MAL2: variants seen among roughly 807,000 people sequenced by gnomAD.
MAL2 encodes the protein mal, T cell differentiation protein 2.
In MAL2, 17 loss-of-function variants were observed where a neutral mutation model predicts 18.1. The observed-to-expected ratio is 0.94, with a 90% confidence interval of 0.64 to 1.41. MAL2 has a LOEUF of 1.41. Among genes scored for constraint, MAL2 ranks in the 40% most tolerant of loss-of-function variants. MAL2 has a pLI of 0.00. For synonymous variants in MAL2, 102 were observed against 102.3 expected (o/e 1.00, Z 0.02); for missense variants, 222 against 231.9 (o/e 0.96, Z 0.28).
intron 2 of MAL2, among the ~76,000 whole-genome samples, chr8:119,238,123 G>A (rs1433390792): frequency 6.6e-6 from 1 of 152,174 alleles, no homozygotes; most frequent in African/African-American, 2.4e-5. Flanking sequence ...AAAATCACAA[G>A]CATTCTTATA....
chr8:119,231,691 G>A (rs1291409178), intron 2 of MAL2, among the ~76,000 whole-genome samples: 2 of 152,076 alleles, frequency 1.3e-5, no homozygotes, highest in African/African-American at 4.8e-5. Flanking sequence ...TCAACCTAAA[G>A]GCCAGTAGAT....
intron 1 of MAL2, chr8:119,215,500 G>A (rs934811172): frequency 6.6e-6 from 1 of 152,188 alleles, no homozygotes; most frequent in African/African-American, 2.4e-5. Flanking sequence ...CGACTCTGAC[G>A]TCACAGTCTA....
Position 119,237,278 on chromosome 8 carries a change from A to C in MAL2, c.304-2887A>C, listed in dbSNP as rs868561567. Among the ~76,000 whole-genome samples the C allele has an allele frequency of 4.5e-3, 684 of 151,230 alleles. 2 individuals carry two copies. Among genetic ancestry groups the C allele is most frequent in the African/African-American group, 0.016 (655 of 40,874 alleles). ...CTGAATAGACCAATAACAGGAGCTG[A>C]AATTGTGGCAATAATCAATAGTTTA... On this transcript the variant is annotated intron_variant, in intron 2 of 3. Transcript: ENST00000614891.
chr8:119,235,484 G>T (rs1226326595), intron 2 of MAL2, among the ~76,000 whole-genome samples: 1 of 151,870 alleles, frequency 6.6e-6, no homozygotes, highest in Non-Finnish European at 1.5e-5. Flanking sequence ...GCAACTCCAA[G>T]ACACATAATT....
intron 3 of MAL2, among the ~76,000 whole-genome samples, chr8:119,241,198 G>T (rs1818040855): frequency 6.6e-6 from 1 of 152,066 alleles, no homozygotes; most frequent in African/African-American, 2.4e-5. Flanking sequence ...TGTCCAAAAT[G>T]GTGGCCACTG....
At chr8:119,237,413 A>C (rs951428146) in intron 2 of MAL2, among the ~76,000 whole-genome samples, 4 of 151,662 alleles carry the variant, frequency 2.6e-5, no homozygotes, top group African/African-American at 9.8e-5. Context: ...ATAGAAAAAG[A>C]GGGAATCCTC....
chr8:119,240,133 T>A lies in MAL2; in HGVS notation c.304-32T>A, dbSNP rs780804714. On this transcript the variant is annotated intron_variant, in intron 2 of 3. Coordinates refer to ENST00000614891, the MANE Select transcript of MAL2 (RefSeq NM_052886.3). ...TAAGGAACAGAAAAATATTTTTTTT[T>A]AATTGCAGATGTCTTTTCTCTCCTC... 13 of 1,592,294 alleles carry A rather than the reference T, an allele frequency of 8.2e-6. No individual in the cohort carries two copies. In the East Asian group the frequency reaches 1.8e-4, roughly 22 times the overall value.
rs1361143673 is a variant in MAL2, at chr8:119,236,387, A to AGAT, written c.304-3777_304-3775dup. On this transcript the variant is annotated intron_variant, in intron 2 of 3. Coordinates refer to ENST00000614891, the MANE Select transcript of MAL2 (RefSeq NM_052886.3). Reference sequence around the variant, plus strand: ...ACTGTCAACATTAGAGAGATCAATGAGATAGAAAGTCAACAAGGATACCCA... The same window carrying AGAT: ...ACTGTCAACATTAGAGAGATCAATGAGATGATAGAAAGTCAACAAGGATACCCA... Among the ~76,000 whole-genome samples the AGAT allele has an allele frequency of 3.3e-5, 5 of 151,762 alleles. No homozygotes were observed. In the East Asian group the frequency reaches 9.7e-4, roughly 29 times the overall value.
intron 2 of MAL2, among the ~76,000 whole-genome samples, chr8:119,235,069 TAGA>T (rs1182264242): frequency 6.6e-6 from 1 of 151,516 alleles, no homozygotes. Flanking sequence ...GAAAAAAATT[TAGA>T]AGAATGTATA....
At chr8:119,235,551 A>G (rs911595405) in intron 2 of MAL2, among the ~76,000 whole-genome samples, 1 of 22,800 alleles carries the variant, frequency 4.4e-5, no homozygotes, top group Admixed American at 5.4e-4. Flanking sequence ...CCAGAGAGAA[A>G]GGTCGGGTTA....
intron 1 of MAL2, among the ~76,000 whole-genome samples, chr8:119,216,139 T>TG (rs1205314464): frequency 1.1e-4 from 17 of 151,910 alleles, no homozygotes; most frequent in Non-Finnish European, 1.5e-4. Flanking sequence ...AACTTCTGGG[T>TG]GGGGGGGCCA....
chr8:119,229,603 C>T (rs965463737), intron 2 of MAL2, among the ~76,000 whole-genome samples: 3 of 152,164 alleles, frequency 2.0e-5, no homozygotes, highest in African/African-American at 7.2e-5. Context: ...CGAGCCACTG[C>T]ACCCAGCTAT....
Position 119,225,564 on chromosome 8 carries a change from G to C in MAL2, c.303+3807G>C, listed in dbSNP as rs544280813. On this transcript the variant is annotated intron_variant, in intron 2 of 3. Coordinates refer to ENST00000614891, the MANE Select transcript of MAL2 (RefSeq NM_052886.3). ...TTCCAAGTCTTTGCTATTGTGAATA[G>C]TGCCGCAATAAACATACGTGTGCAT... Among the ~76,000 whole-genome samples the C allele has an allele frequency of 2.0e-5, 3 of 152,304 alleles. No individual in the cohort carries two copies. In the South Asian group the frequency reaches 6.2e-4, roughly 32 times the overall value.
At chr8:119,232,208 ATG>A (rs1817747383) in intron 2 of MAL2, among the ~76,000 whole-genome samples, 1 of 151,462 alleles carries the variant, frequency 6.6e-6, no homozygotes, top group Non-Finnish European at 1.5e-5. Flanking sequence ...CACGATAAAT[ATG>A]TATTTTTCTC....
chr8:119,240,384 A>G (rs1484003821), intron 3 of MAL2, 64 bp downstream of exon 3: 13 of 1,532,390 alleles, frequency 8.5e-6, no homozygotes, highest in Non-Finnish European at 1.2e-5. Context: ...AAGGCCTCCA[A>G]GAAACTCCTC....
intron 2 of MAL2, among the ~76,000 whole-genome samples, chr8:119,225,800 A>ATGAT (rs1258687515): frequency 6.6e-6 from 1 of 152,118 alleles, no homozygotes; most frequent in Non-Finnish European, 1.5e-5. Context: ...TGACTTTTTA[A>ATGAT]TGATTGCCAT....
chr8:119,241,624 AAAT>A (rs1326978338), intron 3 of MAL2, among the ~76,000 whole-genome samples: 1 of 152,176 alleles, frequency 6.6e-6, no homozygotes, highest in African/African-American at 2.4e-5. Flanking sequence ...GGTACAAGAC[AAAT>A]GATTTCAAGA....
chr8:119,226,799 G>T (rs1339784296), intron 2 of MAL2, among the ~76,000 whole-genome samples: 1 of 152,220 alleles, frequency 6.6e-6, no homozygotes, highest in African/African-American at 2.4e-5. Flanking sequence ...GACCTGCTAA[G>T]TCAGAAACTC....
intron 1 of MAL2, among the ~76,000 whole-genome samples, chr8:119,213,232 A>C (rs1228702374): frequency 6.6e-6 from 1 of 152,220 alleles, no homozygotes; most frequent in Non-Finnish European, 1.5e-5. Context: ...TGTTAATGAA[A>C]GGATGATTGT....
Sources: allele counts gnomAD v4.1 joint callset (sites outside exome capture counted in the v4.1 genomes callset), GRCh38; gene constraint gnomAD v4.1.1; transcripts MANE v1.5; gene names NCBI Gene and HGNC (gene_info 2026-07-23, HGNC 2026-07-21).